The following TARS1 variants were observed in gnomAD, a reference collection of about 807,000 sequenced individuals.
TARS1 encodes the protein threonyl-tRNA synthetase 1, also known as threonine--tRNA ligase 1, cytoplasmic.
A neutral mutation model predicts 97.7 loss-of-function variants in TARS1; 57 were observed. The observed-to-expected ratio is 0.58, with a 90% CI of 0.47 to 0.73. The LOEUF is 0.73. TARS1 is among the 30% of genes least tolerant of loss of function. The pLI, the probability that TARS1 is intolerant of heterozygous loss-of-function variation, is 0.00. For missense variants in TARS1, 806 were observed against 888.3 expected (o/e 0.91, Z 1.18); for synonymous variants, 312 against 293.7 (o/e 1.06, Z -0.64).
At chr5:33,440,710 TAA>T, upstream of TARS1, 1 of 433,078 alleles carries the variant, frequency 2.3e-6, no homozygotes, top group Non-Finnish European at 4.1e-6. Flanking sequence ...TTGTTCCACA[TAA>T]AGTCAGAAGG....
chr5:33,459,653 G>A, intron 10 of TARS1, 42 bp from the exon 11 acceptor site: 13 of 1,606,942 alleles, frequency 8.1e-6, no homozygotes, highest in Non-Finnish European at 1.1e-5. Flanking sequence ...TGAAGTATGA[G>A]CATTTATTTG....
intron 2 of TARS1, chr5:33,446,816 A>G (rs1201783231): frequency 5.2e-6 from 6 of 1,156,356 alleles, no homozygotes; most frequent in Middle Eastern, 6.0e-4. Flanking sequence ...GGTACTGTGC[A>G]TTAGTCTGAG....
intron 1 of TARS1, chr5:33,441,478 C>T (rs190009496): frequency 7.8e-6 from 2 of 255,304 alleles, no homozygotes; most frequent in Admixed American, 9.9e-5. Context: ...TCCAAACTTG[C>T]GTTTATGGCT....
chr5:33,457,411 C>G lies in TARS1; in HGVS notation c.984+8C>G. ...CATAGGAAAATTGGCAGGGTATGTT[C>G]AAGAACAATGATGTGTCTTGACTGA... is the stretch of plus-strand genomic sequence containing the variant. On this transcript the variant is annotated splice_region_variant and intron_variant, in intron 9 of 18. Transcript: ENST00000265112. The G allele has an allele frequency of 1.2e-6, 2 of 1,613,622 alleles. No homozygotes were observed. Among genetic ancestry groups the G allele is most frequent in the South Asian group, 2.2e-5 (2 of 91,000 alleles).
intron 3 of TARS1, among the ~76,000 whole-genome samples, chr5:33,449,529 C>T (rs1189407635): frequency 1.5e-5 from 2 of 132,500 alleles, no homozygotes; most frequent in Non-Finnish European, 1.5e-5. Context: ...GATCTTGGCT[C>T]ACTGCAAGCT....
intron 11 of TARS1, among the ~76,000 whole-genome samples, chr5:33,460,586 G>A (rs59078367): frequency 0.18 from 27,412 of 152,238 alleles, 2,640 homozygotes; most frequent in Non-Finnish European, 0.22. Context: ...GGCAGAGGAG[G>A]TGAGAGAAGA....
chr5:33,443,317 CT>C (rs1741219159), intron 1 of TARS1, among the ~76,000 whole-genome samples: 9 of 119,620 alleles, frequency 7.5e-5, no homozygotes, highest in Non-Finnish European at 1.5e-4. Flanking sequence ...CTCTCTCTCT[CT>C]CCCTCTCTCT....
rs769681224 is a variant in TARS1 at position 33,443,320 on chromosome 5, C to CCTCTCTCTCTCTCT, written c.58-1976_58-1963dup. Among the ~76,000 whole-genome samples the CCTCTCTCTCTCTCT allele has an allele frequency of 1.6e-3, 190 of 118,350 alleles. 2 individuals are homozygous for CCTCTCTCTCTCTCT. The highest frequency in any genetic ancestry group is 3.3e-3 in the South Asian group (12 of 3,676). 77.6% of individuals were successfully genotyped at this position (118,350 alleles called of 152,430 possible). On this transcript the variant is annotated intron_variant, in intron 1 of 18. Transcript: ENST00000265112. ...TGTGGTGATTCCCTCTCTCTCTCTC[C>CCTCTCTCTCTCTCT]CTCTCTCTCTCTCTCTCTCTCTCTC...
In TARS1 at chr5:33,461,732, C is replaced by T. The variant is rs1329968048; in HGVS notation, c.1617C>T (p.Phe539=). The change falls in exon 14 of 19, where the codon TTC becomes TTT. Residue 539 remains phenylalanine (F), a synonymous_variant. Transcript: ENST00000265112. The stretch of plus-strand genomic sequence containing the variant: ...AGTTAAACTCTGGAGATGGAGCTTT[C>T]TATGGCCCAAAGGTGAGCACTAAAG... ...KWELNSGDGA[F]YGPKIDIQIK... 5.0e-6 allele frequency: 8 copies of T among 1,613,734 alleles called. No homozygotes were observed. The African/African-American group carries it at 5.3e-5, about 11-fold the overall frequency.
intron 16 of TARS1, among the ~76,000 whole-genome samples, chr5:33,462,822 C>T (rs1041653313): frequency 1.3e-5 from 2 of 152,068 alleles, no homozygotes; most frequent in African/African-American, 4.8e-5. Context: ...GTAGAGCCTT[C>T]CATATTAATC....
At chr5:33,453,257 T>C (rs1741836095) in intron 3 of TARS1, 32 bp from the exon 4 acceptor site, 1 of 1,546,278 alleles carries the variant, frequency 6.5e-7, no homozygotes, top group Admixed American at 2.2e-5. Context: ...CTTATATATG[T>C]GTGGACTTTT....
chr5:33,452,275 G>A, intron 3 of TARS1: 2 of 1,243,424 alleles, frequency 1.6e-6, no homozygotes, highest in Non-Finnish European at 2.3e-6. Flanking sequence ...GGCTGTTATA[G>A]ACTATTATTT....
At chr5:33,454,696 T>C (rs1741926613) in intron 4 of TARS1, among the ~76,000 whole-genome samples, 1 of 152,184 alleles carries the variant, frequency 6.6e-6, no homozygotes, top group Non-Finnish European at 1.5e-5. Context: ...TGATGCCAAG[T>C]TTAGTTTAAT....
chr5:33,452,389 A>G (rs1162038701), intron 3 of TARS1: 5 of 1,535,162 alleles, frequency 3.3e-6, no homozygotes, highest in Non-Finnish European at 4.4e-6. Context: ...CTCTGCTTGC[A>G]TCTGTGGCCA....
chr5:33,443,320 C>CTCTCTCTCTCTCTCTCTCT (rs1741220535), intron 1 of TARS1, among the ~76,000 whole-genome samples: 3 of 118,482 alleles, frequency 2.5e-5, no homozygotes, highest in East Asian at 2.8e-4. Flanking sequence ...TCTCTCTCTC[C>CTCTCTCTCTCTCTCTCTCT]CTCTCTCTCT....
intron 17 of TARS1, chr5:33,465,981 G>A (rs886468452): frequency 2.6e-5 from 4 of 152,198 alleles, no homozygotes; most frequent in African/African-American, 9.7e-5. Context: ...TCTGCTTTCT[G>A]ACCAGGATTT....
chr5:33,455,865 C>A (rs975586158), intron 6 of TARS1, 137 bp from the exon 7 acceptor site: 2 of 983,246 alleles, frequency 2.0e-6, no homozygotes, highest in Non-Finnish European at 3.0e-6. Context: ...TTTTTCCTAG[C>A]AAACCATTCC....
chr5:33,445,854 G>C (rs1388363734), intron 2 of TARS1, among the ~76,000 whole-genome samples: 3 of 152,140 alleles, frequency 2.0e-5, no homozygotes, highest in African/African-American at 7.2e-5. Context: ...CTGCCCTAGG[G>C]TTGGCTTCTA....
intron 17 of TARS1, 27 bp downstream of exon 17, chr5:33,463,852 C>A (rs1398173077): frequency 1.3e-6 from 2 of 1,581,820 alleles, no homozygotes; most frequent in South Asian, 2.3e-5. Context: ...AATTTTCTTT[C>A]AATTTAACAT....
Sources: gnomAD v4.1 joint callset for allele counts (sites outside exome capture counted in the v4.1 genomes callset) on GRCh38, gnomAD v4.1.1 for gene constraint, MANE v1.5 for transcripts, NCBI Gene and HGNC (gene_info 2026-07-23, HGNC 2026-07-21) for gene names.